The following HADHB variants were observed in gnomAD, a reference collection of about 807,000 sequenced individuals.
The protein encoded by HADHB is hydroxyacyl-CoA dehydrogenase trifunctional multienzyme complex subunit beta.
HADHB carries 50 observed loss-of-function variants against 61.9 expected under a neutral mutation model. The ratio of observed to expected loss-of-function variants is 0.81; its 90% confidence interval spans 0.64 to 1.02. HADHB has a LOEUF of 1.02. HADHB is among the 50% of genes least tolerant of loss of function. The probability of loss-of-function intolerance (pLI) is 0.00; values close to 1 mark genes in which losing one functional copy is unlikely to be tolerated. For missense variants in HADHB, 504 were observed against 586.5 expected (o/e 0.86, Z 1.45); for synonymous variants, 191 against 201.6 (o/e 0.95, Z 0.45).
At chr2:26,285,275 A>G (rs1439357089) in intron 14 of HADHB, 132 bp from the exon 15 acceptor site, 2 of 751,048 alleles carry the variant, frequency 2.7e-6, no homozygotes, top group African/African-American at 1.7e-5. Context: ...TTTCTTTTGC[A>G]GTAAAATTAT....
In HADHB at chr2:26,270,118, T is replaced by G. The variant is rs920269202; in HGVS notation, c.254+121T>G. The G allele has an allele frequency of 1.2e-5, 9 of 758,480 alleles. No individual in the cohort carries two copies. The African/African-American group carries it at 1.6e-4, about 13-fold the overall frequency. The allele number at this position is 758,480 out of a possible 1,614,324, so 47.0% of individuals were successfully genotyped here. ...TCTGTACTATACAAATTTAAGCAGC[T>G]TATGAATATTGTCAATCTTTATTTT... On this transcript the variant is annotated intron_variant, in intron 5 of 15. Transcript: ENST00000317799.
At chr2:26,269,481 G>A (rs1176982714) in intron 4 of HADHB, among the ~76,000 whole-genome samples, 1 of 152,182 alleles carries the variant, frequency 6.6e-6, no homozygotes, top group Non-Finnish European at 1.5e-5. Context: ...GATTCTAGGT[G>A]TGAGCCACCA....
At chr2:26,265,965 C>T (rs934637411) in intron 4 of HADHB, among the ~76,000 whole-genome samples, 7 of 151,890 alleles carry the variant, frequency 4.6e-5, no homozygotes, top group African/African-American at 1.5e-4. Context: ...CTTTGGGAGG[C>T]GGAGGCGGGA....
chr2:26,270,869 C>T (rs1183861980), intron 5 of HADHB, among the ~76,000 whole-genome samples: 17 of 146,452 alleles, frequency 1.2e-4, no homozygotes, highest in African/African-American at 4.2e-4. Context: ...CTGACTGATT[C>T]TTCTGTAGCT....
intron 5 of HADHB, among the ~76,000 whole-genome samples, chr2:26,271,735 A>G (rs951223651): frequency 6.6e-6 from 1 of 152,108 alleles, no homozygotes; most frequent in Non-Finnish European, 1.5e-5. Context: ...TTTTGAGCCC[A>G]GGAGTTTGAG....
chr2:26,260,604 C>T (rs1254049629), intron 3 of HADHB: 4 of 187,886 alleles, frequency 2.1e-5, no homozygotes, highest in South Asian at 1.2e-4. Context: ...CTCCTACTAC[C>T]TCTCAAGTTA....
intron 4 of HADHB, among the ~76,000 whole-genome samples, chr2:26,268,804 C>G (rs901676085): frequency 6.6e-6 from 1 of 152,122 alleles, no homozygotes; most frequent in African/African-American, 2.4e-5. Flanking sequence ...ATGTTCATTT[C>G]TTAGTTTTAA....
chr2:26,262,890 A>G (rs1671919033), intron 3 of HADHB, among the ~76,000 whole-genome samples: 1 of 152,242 alleles, frequency 6.6e-6, no homozygotes, highest in African/African-American at 2.4e-5. Flanking sequence ...TTAGAAACTT[A>G]CAAATGCTAG....
At chr2:26,268,343 T>C (rs1353585624) in intron 4 of HADHB, among the ~76,000 whole-genome samples, 3 of 152,234 alleles carry the variant, frequency 2.0e-5, no homozygotes, top group African/African-American at 4.8e-5. Context: ...GTCTGTGTTA[T>C]TCCTGCCACT....
intron 15 of HADHB, among the ~76,000 whole-genome samples, chr2:26,288,188 C>A (rs1673119003): frequency 6.6e-6 from 1 of 151,986 alleles, no homozygotes; most frequent in Non-Finnish European, 1.5e-5. Context: ...TTGCTTGAGC[C>A]CGGGATGTTG....
At chr2:26,272,432 G>A (rs1396520884) in intron 5 of HADHB, among the ~76,000 whole-genome samples, 1 of 148,826 alleles carries the variant, frequency 6.7e-6, no homozygotes. Flanking sequence ...TGCAGCCTCC[G>A]CCTCCCAGGT....
intron 15 of HADHB, among the ~76,000 whole-genome samples, chr2:26,288,634 G>C (rs961109680): frequency 2.6e-5 from 4 of 151,934 alleles, no homozygotes; most frequent in African/African-American, 9.7e-5. Flanking sequence ...ACCTGAGCCC[G>C]GGAGGTTGAG....
In HADHB at chr2:26,285,469, A is replaced by G. The variant is rs1240736535; in HGVS notation, c.1287A>G (p.Pro429=). 2.5e-6 allele frequency: 4 copies of G among 1,613,466 alleles called. No individual in the cohort carries two copies. Among genetic ancestry groups the G allele is most frequent in the South Asian group, 2.2e-5 (2 of 91,068 alleles). Residue 429 remains proline, a synonymous_variant, in exon 15 of 16, where the codon CCA becomes CCG. Transcript: ENST00000317799. ...GTGGATCTCTGTCCCTGGGACACCC[A>G]TTTGGAGCCACTGGCTGCAGGTTGG... ...NWGGSLSLGH[P]FGATGCRLVM...
chr2:26,245,938 C>T (rs1671134669), intron 1 of HADHB, among the ~76,000 whole-genome samples: 2 of 152,180 alleles, frequency 1.3e-5, no homozygotes, highest in Admixed American at 1.3e-4. Context: ...GTCTGAGTCT[C>T]ACTACTCGCC....
intron 3 of HADHB, among the ~76,000 whole-genome samples, chr2:26,255,143 G>C (rs1671554218): frequency 2.0e-5 from 3 of 152,088 alleles, no homozygotes; most frequent in Non-Finnish European, 4.4e-5. Flanking sequence ...CCTAGATTCT[G>C]TATTGACCCA....
Position 26,277,109 on chromosome 2 carries a change from G to A in HADHB, c.391G>A (p.Ala131Thr), listed in dbSNP as rs764324320. 8.7e-6 allele frequency: 14 copies of A among 1,606,956 alleles called. No homozygotes were observed. Among genetic ancestry groups the A allele is most frequent in the Non-Finnish European group, 1.2e-5 (14 of 1,173,916 alleles). Residue 131 changes from alanine to threonine, a missense_variant, in exon 7 of 16, where the codon GCT (alanine) becomes ACT (threonine). By Grantham distance (58) the Ala-to-Thr change is moderately conservative. Coordinates refer to ENST00000317799, the MANE Select transcript of HADHB (RefSeq NM_000183.3). ...LGAGFSDKTPAHTVTMACISA... is the reference protein window; with the variant it reads ...LGAGFSDKTPTHTVTMACISA... ...AGCTGGCTTCTCTGACAAGACTCCT[G>A]CTCACACTGTCACCATGGCTTGTAT... is the stretch of plus-strand genomic sequence containing the variant.
chr2:26,272,005 G>A (rs892912347), intron 5 of HADHB, among the ~76,000 whole-genome samples: 8 of 152,056 alleles, frequency 5.3e-5, no homozygotes, highest in African/African-American at 1.7e-4. Context: ...CTGCAACCTC[G>A]AAGCCTCCCA....
chr2:26,250,669 T>TA (rs1558339604), intron 1 of HADHB, among the ~76,000 whole-genome samples: 1 of 149,784 alleles, frequency 6.7e-6, no homozygotes, highest in Non-Finnish European at 1.5e-5. Flanking sequence ...TTTTTTTTTT[T>TA]AATTAGCCAG....
Position 26,254,474 on chromosome 2 carries a change from G to C in HADHB, c.109G>C (p.Ala37Pro), listed in dbSNP as rs201078199. ...TTCCTCCCAGCTACGAGCTGCCCCA[G>C]GTACAGTAATTTGTAAAATAAATAT... ...SCSSQLRAAPAVQTKTKKTLA... is the reference protein window; with the variant it reads ...SCSSQLRAAPPVQTKTKKTLA... Residue 37 changes from alanine to proline, a missense_variant and splice_region_variant, in exon 3 of 16, where the codon GCT becomes CCT. Coordinates refer to ENST00000317799, the MANE Select transcript of HADHB (RefSeq NM_000183.3). 6.0e-5 allele frequency: 93 copies of C among 1,560,428 alleles called. No individual in the cohort carries two copies. The highest frequency in any genetic ancestry group is 7.4e-5 in the Non-Finnish European group (84 of 1,131,236).
Sources: gnomAD v4.1 joint callset for allele counts (sites outside exome capture counted in the v4.1 genomes callset) on GRCh38, gnomAD v4.1.1 for gene constraint, MANE v1.5 for transcripts, NCBI Gene and HGNC (gene_info 2026-07-23, HGNC 2026-07-21) for gene names.